The following POSTN variants were observed in gnomAD, a reference collection of about 807,000 sequenced individuals.
The protein encoded by POSTN is osteoblast specific factor 2 (fasciclin I-like).
In POSTN, 71 loss-of-function variants were observed where a neutral mutation model predicts 104.5. The ratio of observed to expected loss-of-function variants is 0.68; its 90% CI spans 0.56 to 0.83. POSTN has a LOEUF of 0.83. Ranked by LOEUF, POSTN falls within the 40% of genes least tolerant of loss-of-function variation. The probability of loss-of-function intolerance (pLI) is 0.00; values close to 1 mark genes in which losing one functional copy is unlikely to be tolerated. For missense variants in POSTN, 949 were observed against 1,006.8 expected (o/e 0.94, Z 0.78); for synonymous variants, 355 against 340.7 (o/e 1.04, Z -0.46).
rs1340466839 is a variant in POSTN, at chr13:37,578,921, G to T, written c.1895-10C>A. On this transcript the variant is annotated splice_polypyrimidine_tract_variant and intron_variant, in intron 14 of 22. Transcript: ENST00000379747. ...TTTCCAACAGGTGTGTCTATGAAGA[G>T]AAATATTAAATGAATATTGGTAAGA... The T allele has an allele frequency of 6.3e-7, 1 of 1,593,792 alleles. No individual in the cohort carries two copies. Among genetic ancestry groups the T allele is most frequent in the Non-Finnish European group, 8.5e-7 (1 of 1,174,334 alleles).
rs1566041581 is a variant in POSTN, at chr13:37,598,645, T to C, written c.82A>G (p.Ile28Val). The change falls in exon 1 of 23, where the codon ATC becomes GTC. Residue 28 changes from isoleucine to valine, a missense_variant. Transcript: ENST00000379747. ...CCCCTGATACGACTATGAGCCAAGA[T>C]CTTGTCATAATGATTGTTGGCGTTT... Reference protein sequence around the residue: ...PINANNHYDKILAHSRIRGRD... With the variant: ...PINANNHYDKVLAHSRIRGRD... 6.2e-7 allele frequency: 1 copy of C among 1,613,502 alleles called. No individual in the cohort carries two copies. Among genetic ancestry groups the C allele is most frequent in the Admixed American group, 1.7e-5 (1 of 59,998 alleles).
Position 37,597,300 on chromosome 13 carries a change from A to G in POSTN, c.120-18T>C, listed in dbSNP as rs1248664320. On this transcript the variant is annotated intron_variant, in intron 1 of 22. Coordinates refer to ENST00000379747, the MANE Select transcript of POSTN (RefSeq NM_006475.3). ...CATTTGGGCTGGAGGATAGAGGGAA[A>G]GGAAAAAAGTTAATGTCCTAATAAT... 1.3e-6 allele frequency: 2 copies of G among 1,526,194 alleles called. No individual in the cohort carries two copies. The highest frequency in any genetic ancestry group is 1.8e-6 in the Non-Finnish European group (2 of 1,126,950). 94.5% of individuals were successfully genotyped at this position (1,526,194 alleles called of 1,614,324 possible). A position where few individuals can be genotyped will look rare whatever the true frequency, so the allele number is the denominator to read the frequency against.
intron 2 of POSTN, 138 bp downstream of exon 2, chr13:37,597,046 T>C: frequency 1.9e-6 from 1 of 531,254 alleles, no homozygotes; most frequent in Non-Finnish European, 3.2e-6. Flanking sequence ...ACGTATGTAT[T>C]CCTTTCTTTT....
chr13:37,579,965 G>T lies in POSTN; in HGVS notation c.1556C>A (p.Ala519Glu), dbSNP rs1475978246. 7 of 1,613,540 alleles carry T rather than the reference G, an allele frequency of 4.3e-6. No homozygotes were observed. The highest frequency in any genetic ancestry group is 5.9e-6 in the Non-Finnish European group (7 of 1,179,508). Residue 519 changes from alanine to glutamate, a missense_variant, in exon 12 of 23, where the codon GCA (alanine) becomes GAA (glutamate). By Grantham distance (107) the Ala-to-Glu change is moderately radical (BLOSUM62 -1). Transcript: ENST00000379747. ...TTGTGTCAGGAGCTCTTTCAAGTCT[G>T]CAGCTTCAAGTAGGCTGAGGAAGGT... is the stretch of plus-strand genomic sequence containing the variant. ...FSTFLSLLEAADLKELLTQPG... is the reference protein window; with the variant it reads ...FSTFLSLLEAEDLKELLTQPG...
chr13:37,588,604 G>A (rs1950829069), intron 4 of POSTN, among the ~76,000 whole-genome samples: 1 of 152,168 alleles, frequency 6.6e-6, no homozygotes, highest in African/African-American at 2.4e-5. Context: ...AGAAAGAACA[G>A]CTATTCGGAA....
intron 17 of POSTN, among the ~76,000 whole-genome samples, chr13:37,572,746 T>C (rs2138197828): frequency 6.6e-6 from 1 of 151,746 alleles, no homozygotes; most frequent in East Asian, 1.9e-4. Context: ...ATGTATCTTT[T>C]ATAAGAGACA....
chr13:37,579,002 G>C lies in POSTN; in HGVS notation c.1894+17C>G. ...AAAAAAAGACTTAGCCTATCAATGAGTTCAATAATTACAAACCTGCTGGAT... is the reference window on the plus strand; with the variant it reads ...AAAAAAAGACTTAGCCTATCAATGACTTCAATAATTACAAACCTGCTGGAT... On this transcript the variant is annotated intron_variant, in intron 14 of 22. Transcript: ENST00000379747. The C allele has an allele frequency of 6.2e-7, 1 of 1,610,072 alleles. No individual in the cohort carries two copies. The highest frequency in any genetic ancestry group is 1.1e-5 in the South Asian group (1 of 90,470).
At chr13:37,586,984 G>A (rs1950766385) in intron 5 of POSTN, 56 bp from the exon 6 acceptor site, 3 of 1,521,332 alleles carry the variant, frequency 2.0e-6, no homozygotes, top group Non-Finnish European at 2.7e-6. Context: ...ATTGACCACT[G>A]AGACTGCAAG....
At position 37,563,010 on chromosome 13, in the gene POSTN, T is replaced by C. The variant is rs925544130; in HGVS notation, c.*323A>G. On this transcript the variant is annotated 3_prime_UTR_variant, in exon 23 of 23. Transcript: ENST00000379747. ...CAATGGGATAACAGTTCACAACTCTTCGATTTGAATTGTAATGAATCTGGT... is the reference window on the plus strand; with the variant it reads ...CAATGGGATAACAGTTCACAACTCTCCGATTTGAATTGTAATGAATCTGGT... 1 of 191,076 alleles carries C rather than the reference T, an allele frequency of 5.2e-6. No homozygotes were observed. Among genetic ancestry groups the C allele is most frequent in the East Asian group, 1.2e-4 (1 of 8,026 alleles). 11.8% of individuals were successfully genotyped at this position (191,076 alleles called of 1,614,324 possible). A position where few individuals can be genotyped will look rare whatever the true frequency, so the allele number is the denominator to read the frequency against.
In POSTN at chr13:37,577,789, C is replaced by CACGA; in HGVS notation, c.1968_1971dup (p.Gly658SerfsTer3). On this transcript the variant is annotated frameshift_variant, in exon 16 of 23. Coordinates refer to ENST00000379747, the MANE Select transcript of POSTN (RefSeq NM_006475.3). LOFTEE classifies it high-confidence loss of function. ...ACGGGGATTTCTTTGAAGGTGCTAC[C>CACGA]ACGAACAAACTGAAAATAAATGTTT... The CACGA allele has an allele frequency of 6.2e-7, 1 of 1,613,208 alleles. No individual in the cohort carries two copies. Among genetic ancestry groups the CACGA allele is most frequent in the South Asian group, 1.1e-5 (1 of 90,994 alleles).
At chr13:37,577,682 T>C in intron 16 of POSTN, 71 bp downstream of exon 16, 6 of 1,563,056 alleles carry the variant, frequency 3.8e-6, no homozygotes, top group Non-Finnish European at 5.2e-6. Context: ...TCTCTGTAAA[T>C]ACAAAGAAAT....
Position 37,579,137 on chromosome 13 carries a change from G to T in POSTN, c.1792-16C>A. 1 of 1,608,102 alleles carries T rather than the reference G, an allele frequency of 6.2e-7. No homozygotes were observed. Among genetic ancestry groups the T allele is most frequent in the Non-Finnish European group, 8.5e-7 (1 of 1,175,454 alleles). On this transcript the variant is annotated splice_polypyrimidine_tract_variant and intron_variant, in intron 13 of 22. Transcript: ENST00000379747. ...TATCATTTACCTATCAAAATAGGAG[G>T]CAATTTCAATGAGGAAATTTCATTA...
At position 37,584,841 on chromosome 13, in the gene POSTN, G is replaced by T. The variant is rs1950699121; in HGVS notation, c.983C>A (p.Thr328Lys). 6 of 1,613,832 alleles carry T rather than the reference G, an allele frequency of 3.7e-6. No homozygotes were observed. The highest frequency in any genetic ancestry group is 5.1e-6 in the Non-Finnish European group (6 of 1,179,930). The change falls in exon 8 of 23, where the codon ACA becomes AAA. Residue 328 changes from threonine to lysine, a missense_variant. Transcript: ENST00000379747. The part of the protein sequence containing the change: ...GAVFETLEGN[T>K]IEIGCDGDSI... ...GTCACCGTCACATCCTATCTCAATT[G>T]TATTTCCTTCCAGCGTCTCAAAGAC...
chr13:37,588,942 C>A (rs1754154042), intron 4 of POSTN, among the ~76,000 whole-genome samples: 1 of 151,984 alleles, frequency 6.6e-6, no homozygotes, highest in African/African-American at 2.4e-5. Context: ...TTAGGGGGAT[C>A]ACTTTAGATG....
At chr13:37,578,960 A>T in intron 14 of POSTN, 49 bp from the exon 15 acceptor site, 1 of 1,595,554 alleles carries the variant, frequency 6.3e-7, no homozygotes, top group Non-Finnish European at 8.5e-7. Context: ...CATAAAATAA[A>T]AATCGAGGTT....
At chr13:37,594,705 G>C (rs1951036611) in intron 2 of POSTN, among the ~76,000 whole-genome samples, 1 of 151,968 alleles carries the variant, frequency 6.6e-6, no homozygotes, top group African/African-American at 2.4e-5. Context: ...ACCCTAGGAA[G>C]CTTCACGTTT....
intron 2 of POSTN, 85 bp from the exon 3 acceptor site, chr13:37,592,249 T>C (rs1465493451): frequency 1.2e-6 from 1 of 863,542 alleles, no homozygotes; most frequent in South Asian, 1.8e-5. Flanking sequence ...ATTTCACTTA[T>C]TGACTTGATT....
chr13:37,598,359 A>C (rs1951145515), intron 1 of POSTN, among the ~76,000 whole-genome samples: 1 of 152,208 alleles, frequency 6.6e-6, no homozygotes, highest in African/African-American at 2.4e-5. Flanking sequence ...TGTGTTAATT[A>C]GATTAGAATT....
chr13:37,564,625 T>A (rs569884695), intron 21 of POSTN, 65 bp from the exon 22 acceptor site: 15 of 908,508 alleles, frequency 1.7e-5, no homozygotes, highest in Non-Finnish European at 2.6e-5. Context: ...CAGGAGACCA[T>A]GGTTAAACAG....
Sources: allele counts gnomAD v4.1 joint callset (sites outside exome capture counted in the v4.1 genomes callset), GRCh38; gene constraint gnomAD v4.1.1; transcripts MANE v1.5; gene names NCBI Gene and HGNC (gene_info 2026-07-23, HGNC 2026-07-21).